Variants in ACE observed in about 807,000 individuals in gnomAD.
ACE encodes the protein angiotensin-converting enzyme.
ACE carries 122 observed loss-of-function variants against 162.3 expected under a neutral mutation model. The ratio of observed to expected loss-of-function variants is 0.75; its 90% CI spans 0.65 to 0.87. ACE has a LOEUF of 0.87. Among genes scored for constraint, ACE ranks in the 40% least tolerant of loss-of-function variants. The pLI, the probability that ACE is intolerant of heterozygous loss-of-function variation, is 0.00. For synonymous variants in ACE, 796 were observed against 720.6 expected, an observed-to-expected ratio of 1.10 and a Z score of -1.68; for missense variants, 1,799 against 1,735.1, an observed-to-expected ratio of 1.04 and a Z score of -0.65.
intron 22 of ACE, among the ~76,000 whole-genome samples, chr17:63,494,829 A>G (rs1184470705): frequency 6.6e-6 from 1 of 152,116 alleles, no homozygotes; most frequent in Non-Finnish European, 1.5e-5. Context: ...TTCTTTTACT[A>G]TTATTGAACA....
At position 63,491,013 on chromosome 17, in the gene ACE, GC is replaced by G; in HGVS notation, c.2706del (p.Ser903ArgfsTer9). 1 of 1,614,188 alleles carries G rather than the reference GC, an allele frequency of 6.2e-7. No homozygotes were observed. The highest frequency in any genetic ancestry group is 1.1e-5 in the South Asian group (1 of 91,080). On this transcript the variant is annotated frameshift_variant, in exon 18 of 25. Coordinates refer to ENST00000290866, the MANE Select transcript of ACE (RefSeq NM_000789.4). LOFTEE classifies it high-confidence loss of function. This position sits in a 1 kb window ranked among gnomAD's most constrained non-coding sequence, Gnocchi z 4.4. ...TGACTTGGTGGTGCCCTTCCCTTCAGCCCCCTCGATGGACACCACAGAGGCT... is the reference window on the plus strand; with the variant it reads ...TGACTTGGTGGTGCCCTTCCCTTCAGCCCCTCGATGGACACCACAGAGGCT... The part of the protein sequence containing the change: ...IYDLVVPFPS[A>X]PSMDTTEAML...
rs1288779128 is a variant in ACE at position 63,477,161 on chromosome 17, C to G, written c.67C>G (p.Pro23Ala). Reference protein sequence around the residue: ...LLPLPLLLLLPPQPALALDPG... With the variant: ...LLPLPLLLLLAPQPALALDPG... ...GCCGCTGCCGCTGCTGTTGCTGCTG[C>G]CGCCGCAGCCCGCCCTGGCGTTGGA... The change falls in exon 1 of 25, where the codon CCG (proline) becomes GCG (alanine). Residue 23 changes from proline (P) to alanine (A), a missense_variant. Physicochemically the swap from Pro to Ala is conservative, Grantham distance 27. Transcript: ENST00000290866. 9.0e-6 allele frequency: 13 copies of G among 1,449,462 alleles called. No homozygotes were observed. The highest frequency in any genetic ancestry group is 1.2e-5 in the Non-Finnish European group (13 of 1,102,710). The allele number at this position is 1,449,462 out of a possible 1,614,324, so 89.8% of individuals were successfully genotyped here. A position where few individuals can be genotyped will look rare whatever the true frequency, so the allele number is the denominator to read the frequency against.
Position 63,485,236 on chromosome 17 carries a change from A to T in ACE, c.1922A>T (p.Asp641Val), listed in dbSNP as rs759386648. 15 of 1,613,978 alleles carry T rather than the reference A, an allele frequency of 9.3e-6. No individual in the cohort carries two copies. The highest frequency in any genetic ancestry group is 1.3e-5 in the Non-Finnish European group (15 of 1,180,028). ...TGTTTCCCTGCACTCTGTCCCACAG[A>T]CCTGGTGACTGATGAGGCTGAGGCC... ...PLPDNYPEGI[D>V]LVTDEAEASK... is the part of the protein sequence containing the mutation. Residue 641 changes from aspartate (D) to valine (V), a missense_variant and splice_region_variant, in exon 13 of 25, where the codon GAC becomes GTC. Physicochemically the swap from Asp to Val is radical, Grantham distance 152. Coordinates refer to ENST00000290866, the MANE Select transcript of ACE (RefSeq NM_000789.4).
intron 15 of ACE, among the ~76,000 whole-genome samples, chr17:63,488,167 G>C (rs1187514061): frequency 6.6e-6 from 1 of 152,134 alleles, no homozygotes; most frequent in South Asian, 2.1e-4. Flanking sequence ...CCCAGCCTGG[G>C]CAATACAGCA....
In ACE at chr17:63,493,572, G is replaced by A. The variant is rs1471502216; in HGVS notation, c.3049G>A (p.Ala1017Thr). ...REGANPGFHE[A>T]IGDVLALSVS... ...GGGTGCCAACCCCGGCTTCCATGAG[G>A]CCATTGGGGACGTGCTAGCCCTCTC... Residue 1017 changes from alanine (A) to threonine (T), a missense_variant, in exon 20 of 25, where the codon GCC becomes ACC. Ala to Thr is a moderately conservative substitution (Grantham distance 58, BLOSUM62 0). Coordinates refer to ENST00000290866, the MANE Select transcript of ACE (RefSeq NM_000789.4). 3 of 1,614,238 alleles carry A rather than the reference G, an allele frequency of 1.9e-6. No individual in the cohort carries two copies. The highest frequency in any genetic ancestry group is 2.5e-6 in the Non-Finnish European group (3 of 1,180,040).
intron 3 of ACE, among the ~76,000 whole-genome samples, chr17:63,479,402 G>C (rs1394369259): frequency 6.6e-6 from 1 of 152,032 alleles, no homozygotes; most frequent in Non-Finnish European, 1.5e-5. Context: ...TGTTCCCCAA[G>C]AGCCCTCAGG....
rs1447117599 is a variant in ACE, at chr17:63,486,838, C to T, written c.2217+123C>T. 6.8e-6 allele frequency: 10 copies of T among 1,472,428 alleles called. No individual in the cohort carries two copies. The South Asian group carries it at 6.9e-5, about 10-fold the overall frequency. 91.2% of individuals were successfully genotyped at this position (1,472,428 alleles called of 1,614,324 possible). Reference sequence around the variant, plus strand: ...GTATCAAGTCATGGCATCTGCCATGCGATGTGCACCTCAGAACTGCTGAGA... The same window carrying T: ...GTATCAAGTCATGGCATCTGCCATGTGATGTGCACCTCAGAACTGCTGAGA... On this transcript the variant is annotated intron_variant, in intron 14 of 24. Transcript: ENST00000290866.
chr17:63,491,295 C>G lies in ACE; in HGVS notation c.2826C>G (p.Asn942Lys), dbSNP rs201517271. Reference protein sequence around the residue: ...GLLPVPPEFWNKSMLEKPTDG... With the variant: ...GLLPVPPEFWKKSMLEKPTDG... ...TGCCCGTGCCTCCTGAGTTCTGGAA[C>G]AAGTCGATGCTGGAGAAGCCAACCG... The change falls in exon 19 of 25, where the codon AAC becomes AAG. Residue 942 changes from asparagine to lysine, a missense_variant. Asn to Lys is a moderately conservative substitution (Grantham distance 94). Coordinates refer to ENST00000290866, the MANE Select transcript of ACE (RefSeq NM_000789.4). The surrounding 1 kb of genome is among the most constrained non-coding windows in gnomAD (Gnocchi z 4.4). 1.2e-5 allele frequency: 20 copies of G among 1,614,164 alleles called. No homozygotes were observed. The East Asian group carries it at 4.2e-4, about 34-fold the overall frequency.
chr17:63,493,533 G>A lies in ACE; in HGVS notation c.3010G>A (p.Val1004Met). Residue 1004 changes from valine (V) to methionine (M), a missense_variant, in exon 20 of 25, where the codon GTG becomes ATG. Physicochemically the swap from Val to Met is conservative, Grantham distance 21 (BLOSUM62 1). Transcript: ENST00000290866. Reference protein sequence around the residue: ...QYFMQYKDLPVALREGANPGF... With the variant: ...QYFMQYKDLPMALREGANPGF... ...TTTCATGCAGTACAAAGACTTACCT[G>A]TGGCCTTGAGGGAGGGTGCCAACCC... 6.2e-7 allele frequency: 1 copy of A among 1,614,150 alleles called. No individual in the cohort carries two copies. Among genetic ancestry groups the A allele is most frequent in the Non-Finnish European group, 8.5e-7 (1 of 1,180,050 alleles).
In ACE at chr17:63,488,811, A is replaced by T. The variant is rs915210607; in HGVS notation, c.2449+20A>T. On this transcript the variant is annotated intron_variant, in intron 16 of 24. Coordinates refer to ENST00000290866, the MANE Select transcript of ACE (RefSeq NM_000789.4). ...TCAATGGTGAGTCCCTGCTGCCAACATCACTGGCACTTGGGTCCCTTCATT... is the reference window on the plus strand; with the variant it reads ...TCAATGGTGAGTCCCTGCTGCCAACTTCACTGGCACTTGGGTCCCTTCATT... The T allele has an allele frequency of 3.7e-6, 6 of 1,614,022 alleles. No individual in the cohort carries two copies. Among genetic ancestry groups the T allele is most frequent in the South Asian group, 2.2e-5 (2 of 91,080 alleles).
Position 63,496,284 on chromosome 17 carries a change from GCGCATGTGACTTAGCACACAT to G in ACE, c.3381-108_3381-88del. On this transcript the variant is annotated intron_variant, in intron 22 of 24. Transcript: ENST00000290866. ...AGTTGGGGGGCCTTGGCTCTGCTGTGCGCATGTGACTTAGCACACATCACATGTGATGTGCAGAAGGGCCTG... is the reference window on the plus strand; with the variant it reads ...AGTTGGGGGGCCTTGGCTCTGCTGTGCACATGTGATGTGCAGAAGGGCCTG... The G allele has an allele frequency of 5.9e-6, 9 of 1,537,066 alleles. No homozygotes were observed. In the South Asian group the frequency reaches 1.0e-4, roughly 17 times the overall value.
intron 22 of ACE, among the ~76,000 whole-genome samples, chr17:63,495,979 T>G (rs1388222579): frequency 6.6e-6 from 1 of 152,202 alleles, no homozygotes; most frequent in Admixed American, 6.5e-5. Flanking sequence ...TAAGATCATG[T>G]AGGACTGGCT....
chr17:63,487,972 T>A (rs1382979442), intron 15 of ACE, among the ~76,000 whole-genome samples: 1 of 152,214 alleles, frequency 6.6e-6, no homozygotes, highest in African/African-American at 2.4e-5. Flanking sequence ...TGGTGGCTCA[T>A]GCCTCTAATC....
rs372030992 is a variant in ACE, at chr17:63,479,104, C to T, written c.511+4C>T. On this transcript the variant is annotated splice_donor_region_variant and intron_variant, in intron 3 of 24. Coordinates refer to ENST00000290866, the MANE Select transcript of ACE (RefSeq NM_000789.4). Reference sequence around the variant, plus strand: ...ACCTGCTGGTCCCTGGACCCAGGTACGGCCCTTGCAGCTCCCCTCTCGGCG... The same window carrying T: ...ACCTGCTGGTCCCTGGACCCAGGTATGGCCCTTGCAGCTCCCCTCTCGGCG... 7.5e-6 allele frequency: 12 copies of T among 1,609,894 alleles called. No homozygotes were observed. The highest frequency in any genetic ancestry group is 1.6e-4 in the Middle Eastern group (1 of 6,082).
In ACE at chr17:63,497,302, G is replaced by A. The variant is rs767828019; in HGVS notation, c.3857G>A (p.Arg1286His). 46 of 1,550,422 alleles carry A rather than the reference G, an allele frequency of 3.0e-5. No homozygotes were observed. The Admixed American group carries it at 6.2e-4, about 21-fold the overall frequency. The change falls in exon 25 of 25, where the codon CGC becomes CAC. Residue 1286 changes from arginine to histidine, a missense_variant. By Grantham distance (29) the Arg-to-His change is conservative (BLOSUM62 0). Coordinates refer to ENST00000290866, the MANE Select transcript of ACE (RefSeq NM_000789.4). ...CAGCGGCTCTTCAGCATCCGCCACC[G>A]CAGCCTCCACCGGCACTCCCACGGG... ...LSQRLFSIRH[R>H]SLHRHSHGPQ...
Position 63,491,116 on chromosome 17 carries a change from T to A in ACE, c.2739+65T>A. 6.2e-7 allele frequency: 1 copy of A among 1,610,902 alleles called. No individual in the cohort carries two copies. The highest frequency in any genetic ancestry group is 8.5e-7 in the Non-Finnish European group (1 of 1,177,878). Reference sequence around the variant, plus strand: ...GGGAGGGACCCTCTGATTCAGGAGTTCCCTCCAGTTTAGCCCTCCCCCGGG... The same window carrying A: ...GGGAGGGACCCTCTGATTCAGGAGTACCCTCCAGTTTAGCCCTCCCCCGGG... On this transcript the variant is annotated intron_variant, in intron 18 of 24. Coordinates refer to ENST00000290866, the MANE Select transcript of ACE (RefSeq NM_000789.4). This position sits in a 1 kb window ranked among gnomAD's most constrained non-coding sequence, Gnocchi z 4.4.
chr17:63,484,874 C>A lies in ACE; in HGVS notation c.1921+333C>A. The A allele has an allele frequency of 6.3e-7, 1 of 1,584,456 alleles. No homozygotes were observed. Among genetic ancestry groups the A allele is most frequent in the East Asian group, 2.3e-5 (1 of 43,264 alleles). On this transcript the variant is annotated intron_variant, in intron 12 of 24. Coordinates refer to ENST00000290866, the MANE Select transcript of ACE (RefSeq NM_000789.4). The surrounding 1 kb of genome is among the most constrained non-coding windows in gnomAD (Gnocchi z 4.0). ...ACTCTGCTCTCCTGCGGCCATGGGC[C>A]AGGGTTGGGCTACTGCAGGACTTCC...
intron 22 of ACE, among the ~76,000 whole-genome samples, chr17:63,495,564 G>T (rs748923148): frequency 9.2e-5 from 14 of 152,224 alleles, no homozygotes; most frequent in Non-Finnish European, 1.9e-4. Flanking sequence ...GAGCACCTCA[G>T]ATAGGCCTGA....
rs749450863 is a variant in ACE at position 63,484,349 on chromosome 17, T to C, written c.1729T>C (p.Ser577Pro). 6.2e-7 allele frequency: 1 copy of C among 1,611,058 alleles called. No homozygotes were observed. Among genetic ancestry groups the C allele is most frequent in the Non-Finnish European group, 8.5e-7 (1 of 1,179,828 alleles). The change falls in exon 12 of 25, where the codon TCC becomes CCC. Residue 577 changes from serine (S) to proline (P), a missense_variant. Coordinates refer to ENST00000290866, the MANE Select transcript of ACE (RefSeq NM_000789.4). The surrounding 1 kb of genome is among the most constrained non-coding windows in gnomAD (Gnocchi z 4.0). ...AKLRKVLQAG[S>P]SRPWQEVLKD... is the part of the protein sequence containing the mutation. ...CACCAGGAAGGTGCTGCAGGCTGGC[T>C]CCTCCAGGCCCTGGCAGGAGGTGCT... is the stretch of plus-strand genomic sequence containing the variant.
Sources: allele counts gnomAD v4.1 joint callset (sites outside exome capture counted in the v4.1 genomes callset), GRCh38; gene constraint gnomAD v4.1.1; non-coding constraint Gnocchi (gnomAD v3.1); transcripts MANE v1.5; gene names NCBI Gene and HGNC (gene_info 2026-07-23, HGNC 2026-07-21).